Variants in WNK2 observed in about 807,000 individuals in gnomAD.
The protein encoded by WNK2 is WNK lysine deficient protein kinase 2.
Under a neutral mutation model 192.1 loss-of-function variants are expected in WNK2, and 67 were observed. The ratio of observed to expected loss-of-function variants is 0.35; its 90% CI spans 0.29 to 0.43. WNK2 has a LOEUF of 0.43. WNK2 is among the 20% of genes least tolerant of loss of function. WNK2 has a pLI of 1.00. For synonymous variants in WNK2, 1,439 were observed against 1,393.9 expected (o/e 1.03, Z -0.72); for missense variants, 2,698 against 3,089.7 (o/e 0.87, Z 3.01).
rs375523037 is a variant in WNK2, at chr9:93,300,071, A to T, written c.6136A>T (p.Thr2046Ser). The change falls in exon 26 of 30, where the codon ACG becomes TCG. Residue 2046 changes from threonine to serine, a missense_variant. Around this residue, in one of 7 missense-constraint regions of WNK2, gnomAD observed 29 missense variants for 55.6 expected, o/e 0.52. Transcript: ENST00000427277. ...RGQGWTVYHP[T>S]SERVTYKSSS... ...TGCAGGCTGGACGGTTTACCACCCA[A>T]CGTCTGAGAGAGTGACCTATAAGTC... The T allele has an allele frequency of 6.2e-7, 1 of 1,613,438 alleles. No individual in the cohort carries two copies. The highest frequency in any genetic ancestry group is 1.1e-5 in the South Asian group (1 of 91,058).
At chr9:93,263,867 G>C (rs778108192) in intron 15 of WNK2, 50 bp from the exon 16 acceptor site, 107 of 1,482,730 alleles carry the variant, frequency 7.2e-5, no homozygotes, top group Non-Finnish European at 9.4e-5. Flanking sequence ...GGGTGTGGCG[G>C]GTGCACGTGT....
At chr9:93,316,577 A>G (rs552624555) in intron 28 of WNK2, 4 of 152,342 alleles carry the variant, frequency 2.6e-5, no homozygotes, top group African/African-American at 9.6e-5. Flanking sequence ...ATATAAAACT[A>G]TGGTTGACTT....
intron 28 of WNK2, among the ~76,000 whole-genome samples, chr9:93,309,665 T>C (rs146324866): frequency 6.6e-6 from 1 of 152,256 alleles, no homozygotes; most frequent in Non-Finnish European, 1.5e-5. Context: ...GTACATTTTA[T>C]TAGCCTATTC....
chr9:93,276,129 G>A (rs1363848209), intron 19 of WNK2, among the ~76,000 whole-genome samples: 1 of 152,208 alleles, frequency 6.6e-6, no homozygotes, highest in Non-Finnish European at 1.5e-5. Context: ...AAAGGAAATA[G>A]AAATGGCTAA....
At chr9:93,304,779 C>T (rs1298568652) in intron 26 of WNK2, among the ~76,000 whole-genome samples, 2 of 152,184 alleles carry the variant, frequency 1.3e-5, no homozygotes, top group Non-Finnish European at 2.9e-5. Flanking sequence ...GTGGGGAGGT[C>T]TCTGCCCCAG....
intron 8 of WNK2, among the ~76,000 whole-genome samples, chr9:93,251,163 T>C (rs1842545956): frequency 6.6e-6 from 1 of 152,150 alleles, no homozygotes; most frequent in Admixed American, 6.5e-5. Flanking sequence ...TCACCCAGGC[T>C]GGAGTGCAGT....
intron 19 of WNK2, among the ~76,000 whole-genome samples, chr9:93,288,318 G>C (rs1018973068): frequency 6.6e-6 from 1 of 152,198 alleles, no homozygotes; most frequent in African/African-American, 2.4e-5. Context: ...TCACTCCTGG[G>C]CATGGAAGTG....
intron 25 of WNK2, 105 bp downstream of exon 25, chr9:93,299,366 C>G: frequency 8.2e-7 from 1 of 1,217,892 alleles, no homozygotes; most frequent in Admixed American, 3.0e-5. Context: ...CAAGCTGTGG[C>G]AAAGGCTGTT....
At chr9:93,269,654 TACAC>T (rs780003942) in intron 19 of WNK2, among the ~76,000 whole-genome samples, 3 of 152,218 alleles carry the variant, frequency 2.0e-5, no homozygotes. Flanking sequence ...TTTTAATACA[TACAC>T]ACCCAATTAT....
At chr9:93,263,137 C>G (rs1348183740) in intron 14 of WNK2, 4 of 375,512 alleles carry the variant, frequency 1.1e-5, no homozygotes, top group Non-Finnish European at 2.0e-5. Flanking sequence ...GAACCGTGTC[C>G]TTATTTGAAC....
intron 2 of WNK2, among the ~76,000 whole-genome samples, chr9:93,187,176 C>T (rs781244484): frequency 6.6e-6 from 1 of 152,124 alleles, no homozygotes; most frequent in Non-Finnish European, 1.5e-5. Flanking sequence ...GCAGCCAGAG[C>T]CTGCTGATCT....
At chr9:93,220,380 C>T (rs979326527) in intron 2 of WNK2, among the ~76,000 whole-genome samples, 4 of 152,108 alleles carry the variant, frequency 2.6e-5, no homozygotes, top group Non-Finnish European at 5.9e-5. Context: ...AGGAAGGGGC[C>T]GAGGGTGAGG....
At chr9:93,240,071 C>G in intron 7 of WNK2, 95 bp downstream of exon 7, 1 of 1,310,354 alleles carries the variant, frequency 7.6e-7, no homozygotes, top group Non-Finnish European at 1.1e-6. Flanking sequence ...GGGCTTGCTC[C>G]GGAGGGGACT....
At chr9:93,317,086 G>A (rs1588670856) in intron 28 of WNK2, 1 of 246,492 alleles carries the variant, frequency 4.1e-6, no homozygotes, top group Non-Finnish European at 7.9e-6. Context: ...TCACCTCCCT[G>A]CACACTTGCT....
intron 2 of WNK2, among the ~76,000 whole-genome samples, chr9:93,205,743 A>G (rs973480252): frequency 6.6e-6 from 1 of 152,102 alleles, no homozygotes; most frequent in Non-Finnish European, 1.5e-5. Context: ...GCAGCCTTTG[A>G]GAAGCTTCTC....
chr9:93,262,608 G>A (rs1275047347), intron 13 of WNK2, 62 bp from the exon 14 acceptor site: 2 of 1,577,428 alleles, frequency 1.3e-6, no homozygotes, highest in African/African-American at 1.3e-5. Context: ...ATGCGTGGCT[G>A]TGCCCACAGG....
Position 93,298,048 on chromosome 9 carries a change from G to A in WNK2, c.5904G>A (p.Lys1968=). Residue 1968 remains lysine, a synonymous_variant, in exon 24 of 30, where the codon AAG becomes AAA. Transcript: ENST00000427277. ...KLLNPLVRQL[K]VVASSTGHLA... Reference sequence around the variant, plus strand: ...TAAATCCCCTGGTGCGGCAGCTCAAGGTCGTGGCCTCCAGCACAGGTCGGC... The same window carrying A: ...TAAATCCCCTGGTGCGGCAGCTCAAAGTCGTGGCCTCCAGCACAGGTCGGC... The A allele has an allele frequency of 1.3e-6, 2 of 1,550,874 alleles. No individual in the cohort carries two copies. Among genetic ancestry groups the A allele is most frequent in the South Asian group, 1.2e-5 (1 of 84,082 alleles).
Position 93,239,643 on chromosome 9 carries a change from G to A in WNK2, c.1323-114G>A, listed in dbSNP as rs903455196. On this transcript the variant is annotated intron_variant, in intron 6 of 29. Transcript: ENST00000427277. This position sits in a 1 kb window ranked among gnomAD's most constrained non-coding sequence, Gnocchi z 4.2. ...CTGGGAGTGCTGAGACATGAGGCCT[G>A]GCCTCAGGCTCCTGCAGGTGTGCCT... 2.3e-6 allele frequency: 2 copies of A among 862,262 alleles called. No individual in the cohort carries two copies. The highest frequency in any genetic ancestry group is 3.6e-6 in the Non-Finnish European group (2 of 560,908). The allele number at this position is 862,262 out of a possible 1,614,324, so 53.4% of individuals were successfully genotyped here. A position where few individuals can be genotyped will look rare whatever the true frequency, so the allele number is the denominator to read the frequency against.
At chr9:93,305,369 C>T (rs1372144049) in intron 26 of WNK2, among the ~76,000 whole-genome samples, 8 of 152,218 alleles carry the variant, frequency 5.3e-5, no homozygotes, top group Non-Finnish European at 1.2e-4. Flanking sequence ...CCCCTGTAAA[C>T]TTGAGTGAGC....
Sources: gnomAD v4.1 joint callset for allele counts (sites outside exome capture counted in the v4.1 genomes callset) on GRCh38, gnomAD v4.1.1 for gene constraint, gnomAD v4.1.1 regional missense constraint, Gnocchi (gnomAD v3.1) non-coding constraint, MANE v1.5 for transcripts, NCBI Gene and HGNC (gene_info 2026-07-23, HGNC 2026-07-21) for gene names.